ZNF536: variants seen among roughly 807,000 people sequenced by gnomAD.
The protein encoded by ZNF536 is zinc finger protein 536.
ZNF536 carries 13 observed loss-of-function variants against 84.5 expected under a neutral mutation model. That is an observed-to-expected ratio of 0.15 (90% CI 0.10 to 0.24). ZNF536 has a LOEUF of 0.24. Among genes scored for constraint, ZNF536 ranks in the 10% least tolerant of loss-of-function variants. ZNF536 has a pLI of 1.00. For missense variants in ZNF536, 1,536 were observed against 1,747.5 expected, an observed-to-expected ratio of 0.88 and a Z score of 2.16; for synonymous variants, 811 against 742.5, an observed-to-expected ratio of 1.09 and a Z score of -1.50.
intron 1 of ZNF536, among the ~76,000 whole-genome samples, chr19:30,278,045 T>C (rs901201084): frequency 6.6e-6 from 1 of 152,168 alleles, no homozygotes; most frequent in East Asian, 1.9e-4. Context: ...TGGGACCCGA[T>C]GTTTTGAAAT....
intron 1 of ZNF536, among the ~76,000 whole-genome samples, chr19:30,601,164 A>T (rs2047670108): frequency 1.3e-5 from 2 of 152,146 alleles, no homozygotes; most frequent in African/African-American, 4.8e-5. Context: ...CTTAAAAGGA[A>T]ACTTTTATTT....
intron 1 of ZNF536, among the ~76,000 whole-genome samples, chr19:30,565,663 A>G (rs993240740): frequency 6.6e-6 from 1 of 152,218 alleles, no homozygotes; most frequent in Non-Finnish European, 1.5e-5. Flanking sequence ...GCTGTACACA[A>G]CAGGTGATTT....
chr19:30,578,992 G>T (rs1455879867), intron 1 of ZNF536, among the ~76,000 whole-genome samples: 1 of 152,208 alleles, frequency 6.6e-6, no homozygotes, highest in Non-Finnish European at 1.5e-5. Context: ...CTGGGCTCCA[G>T]ATTCCTCATA....
intron 1 of ZNF536, among the ~76,000 whole-genome samples, chr19:30,692,686 G>A (rs980433163): frequency 1.3e-5 from 2 of 152,136 alleles, no homozygotes; most frequent in Non-Finnish European, 2.9e-5. Context: ...AACTGCTGGC[G>A]GTGACAGAGC....
intron 1 of ZNF536, among the ~76,000 whole-genome samples, chr19:30,600,069 TTTTTTG>T (rs1445009621): frequency 4.8e-4 from 72 of 151,274 alleles, no homozygotes; most frequent in Middle Eastern, 3.4e-3. Flanking sequence ...GTTGTTGTTG[TTTTTTG>T]TTTTTGTTTT....
chr19:30,454,444 C>T (rs1265558510), intron 2 of ZNF536, among the ~76,000 whole-genome samples: 1 of 152,204 alleles, frequency 6.6e-6, no homozygotes, highest in Non-Finnish European at 1.5e-5. Context: ...ACGTTGAGTT[C>T]AACATGAAGT....
rs142401692 is a variant in ZNF536 at position 30,347,260 on chromosome 19, T to C, written c.-119-5108T>C. Among the ~76,000 whole-genome samples, 19 of 152,332 alleles carry C rather than the reference T, an allele frequency of 1.2e-4. No individual in the cohort carries two copies. In the East Asian group the frequency reaches 3.7e-3, roughly 29 times the overall value. On this transcript the variant is annotated intron_variant, in intron 2 of 5. Coordinates refer to the ZNF536 transcript ENST00000585628. ...GTACAGTCATTTAAAATAGAGAATGTCTTTATTCAAGCATATCGGTGGAGC... is the reference window on the plus strand; with the variant it reads ...GTACAGTCATTTAAAATAGAGAATGCCTTTATTCAAGCATATCGGTGGAGC...
chr19:30,424,940 C>A (rs2051146866), intron 1 of ZNF536, among the ~76,000 whole-genome samples: 1 of 152,090 alleles, frequency 6.6e-6, no homozygotes, highest in East Asian at 1.9e-4. Flanking sequence ...TGGAAGAGCC[C>A]AAGCCAACGT....
At chr19:30,648,272 G>A (rs1054848271) in intron 1 of ZNF536, among the ~76,000 whole-genome samples, 2 of 152,204 alleles carry the variant, frequency 1.3e-5, no homozygotes, top group African/African-American at 4.8e-5. Context: ...CCGCGTGGAA[G>A]CCTCCTCAGA....
rs117798694 is a variant in ZNF536, at chr19:30,534,840, G to A, written c.2171-7G>A. On this transcript the variant is annotated splice_region_variant and splice_polypyrimidine_tract_variant and intron_variant, in intron 2 of 4. Transcript: ENST00000355537. The stretch of plus-strand genomic sequence containing the variant: ...AGTGATGTGAGAACGTTTCTCCTTC[G>A]CTGCAGACATTGGCGAGGAGGCTGG... 9,847 of 1,607,314 alleles carry A rather than the reference G, an allele frequency of 6.1e-3. 53 individuals carry two copies. The highest frequency in any genetic ancestry group is 7.5e-3 in the Non-Finnish European group (8,829 of 1,176,002).
chr19:30,258,336 T>A (rs945728017), intron 1 of ZNF536, among the ~76,000 whole-genome samples: 2 of 152,180 alleles, frequency 1.3e-5, no homozygotes, highest in African/African-American at 4.8e-5. Context: ...AGTAGGAGCT[T>A]CACAGATAAC....
At chr19:30,246,906 G>A (rs1363617818) in intron 1 of ZNF536, among the ~76,000 whole-genome samples, 2 of 152,190 alleles carry the variant, frequency 1.3e-5, no homozygotes, top group Middle Eastern at 3.2e-3. Context: ...CAGACATTTT[G>A]GGAGTGAAAT....
chr19:30,621,726 G>A (rs2048489379), intron 1 of ZNF536, among the ~76,000 whole-genome samples: 1 of 152,264 alleles, frequency 6.6e-6, no homozygotes, highest in African/African-American at 2.4e-5. Flanking sequence ...CCACAGGCTG[G>A]GTGGATGCCG....
At chr19:30,280,354 C>A (rs1305007067) in intron 1 of ZNF536, among the ~76,000 whole-genome samples, 1 of 152,106 alleles carries the variant, frequency 6.6e-6, no homozygotes, top group Non-Finnish European at 1.5e-5. Flanking sequence ...TCCTTCCATT[C>A]CCATCCTCCC....
At chr19:30,430,652 G>A (rs957098405) in intron 1 of ZNF536, among the ~76,000 whole-genome samples, 2 of 152,168 alleles carry the variant, frequency 1.3e-5, no homozygotes, top group African/African-American at 2.4e-5. Context: ...GAAATGATAT[G>A]CATAAAAGGA....
intron 1 of ZNF536, among the ~76,000 whole-genome samples, chr19:30,584,939 A>G (rs1412967744): frequency 3.9e-5 from 6 of 151,912 alleles, no homozygotes; most frequent in Non-Finnish European, 7.4e-5. Context: ...CTACAAAAAT[A>G]CTTAAAAATT....
At chr19:30,400,587 G>A (rs1367348151) in intron 1 of ZNF536, among the ~76,000 whole-genome samples, 1 of 152,006 alleles carries the variant, frequency 6.6e-6, no homozygotes, top group Non-Finnish European at 1.5e-5. Flanking sequence ...GTTGAGACAA[G>A]GTCTCACTTT....
chr19:30,686,447 C>G (rs114519974), intron 1 of ZNF536, among the ~76,000 whole-genome samples: 3,368 of 152,258 alleles, frequency 0.022, 122 homozygotes, highest in African/African-American at 0.074. Context: ...TGTGTGCACA[C>G]CCAGGGGCAC....
chr19:30,531,772 G>A (rs1241693412), intron 2 of ZNF536, among the ~76,000 whole-genome samples: 1 of 151,856 alleles, frequency 6.6e-6, no homozygotes, highest in East Asian at 1.9e-4. Context: ...CTACAGGCAT[G>A]CCCCACCACA....
Sources: allele counts gnomAD v4.1 joint callset (sites outside exome capture counted in the v4.1 genomes callset), GRCh38; gene constraint gnomAD v4.1.1; transcripts MANE v1.5; gene names NCBI Gene and HGNC (gene_info 2026-07-23, HGNC 2026-07-21).